CLIC5: variants seen among roughly 807,000 people sequenced by gnomAD.
The protein encoded by CLIC5 is chloride intracellular channel protein 5.
A neutral mutation model predicts 24.7 loss-of-function variants in CLIC5; 20 were observed. That is an observed-to-expected ratio of 0.81 (90% CI 0.57 to 1.18). The LOEUF is 1.18. Ranked by LOEUF, CLIC5 falls within the 50% of genes most tolerant of loss-of-function variation. The pLI is 0.00. For synonymous variants in CLIC5, 159 were observed against 135.6 expected, an observed-to-expected ratio of 1.17 and a Z score of -1.20; for missense variants, 341 against 326.1, an observed-to-expected ratio of 1.05 and a Z score of -0.35.
At chr6:45,990,974 G>A (rs997513330) in intron 1 of CLIC5, among the ~76,000 whole-genome samples, 1 of 152,190 alleles carries the variant, frequency 6.6e-6, no homozygotes, top group Admixed American at 6.6e-5. Flanking sequence ...AGCTGTCCAT[G>A]TGAGGATTAG....
chr6:45,923,278 C>G (rs1478809712), intron 4 of CLIC5, among the ~76,000 whole-genome samples: 1 of 152,200 alleles, frequency 6.6e-6, no homozygotes, highest in East Asian at 1.9e-4. Flanking sequence ...TGCTCACACA[C>G]TTAGAATGAG....
chr6:45,986,043 C>CCATGT, intron 1 of CLIC5, among the ~76,000 whole-genome samples: 1 of 152,264 alleles, frequency 6.6e-6, no homozygotes, highest in African/African-American at 2.4e-5. Flanking sequence ...TTGCCTGCCA[C>CCATGT]AATCTAAGAC....
chr6:46,127,325 C>T, the CLIC5 span, among the ~76,000 whole-genome samples: 1 of 152,070 alleles, frequency 6.6e-6, no homozygotes, highest in Non-Finnish European at 1.5e-5. Context: ...GAATATATTT[C>T]TTCTATCTAA....
Position 46,003,484 on chromosome 6 carries a change from C to T in CLIC5, c.63+11996G>A, listed in dbSNP as rs140818634. 4.0e-3 allele frequency among the ~76,000 whole-genome samples: 607 copies of T among 152,266 alleles called. 1 individual carries two copies. The highest frequency in any genetic ancestry group is 0.014 in the Middle Eastern group (4 of 294). On this transcript the variant is annotated intron_variant, in intron 1 of 5. Coordinates refer to ENST00000339561, the MANE Select transcript of CLIC5 (RefSeq NM_016929.5). Reference sequence around the variant, plus strand: ...GGCTGCAACTGTTTTTATAATTCCACGGGCCATGGAGCAGATCCTAAGTCT... The same window carrying T: ...GGCTGCAACTGTTTTTATAATTCCATGGGCCATGGAGCAGATCCTAAGTCT...
At chr6:46,015,056 T>C (rs914614252) in intron 1 of CLIC5, among the ~76,000 whole-genome samples, 5 of 152,236 alleles carry the variant, frequency 3.3e-5, no homozygotes, top group Non-Finnish European at 7.3e-5. Context: ...TTGCCAAAGA[T>C]CATTGTGTCA....
At chr6:45,961,744 C>T (rs1330190868) in intron 1 of CLIC5, among the ~76,000 whole-genome samples, 1 of 152,064 alleles carries the variant, frequency 6.6e-6, no homozygotes, top group Non-Finnish European at 1.5e-5. Context: ...ACGTGGTCCA[C>T]ATGAGGACAG....
chr6:46,106,961 T>C, the CLIC5 span, among the ~76,000 whole-genome samples: 2 of 152,248 alleles, frequency 1.3e-5, no homozygotes, highest in African/African-American at 4.8e-5. Context: ...AGCTATAAAG[T>C]CTTTTTTTAT....
intron 1 of CLIC5, among the ~76,000 whole-genome samples, chr6:45,963,261 A>G (rs1204595940): frequency 6.6e-6 from 1 of 152,028 alleles, no homozygotes; most frequent in Non-Finnish European, 1.5e-5. Context: ...CTTAAAGCTC[A>G]GCCATCTGCA....
chr6:45,958,439 T>TATATATACACACACACACACAC (rs1350209541), intron 1 of CLIC5, among the ~76,000 whole-genome samples: 32 of 12,380 alleles, frequency 2.6e-3, no homozygotes, highest in Non-Finnish European at 5.0e-3. Context: ...TATATATATA[T>TATATATACACACACACACACAC]ATATATATAT....
At chr6:45,949,157 T>G in intron 3 of CLIC5, 99 bp downstream of exon 3, 1 of 1,458,206 alleles carries the variant, frequency 6.9e-7, no homozygotes, top group Admixed American at 2.1e-5. Context: ...CTGGTGAGGT[T>G]CCTTTGGAAA....
At chr6:45,946,075 C>T (rs1341507803) in intron 3 of CLIC5, among the ~76,000 whole-genome samples, 4 of 152,160 alleles carry the variant, frequency 2.6e-5, no homozygotes, top group Non-Finnish European at 5.9e-5. Context: ...TGTAGTTTCA[C>T]CCCCTCATTT....
At chr6:45,924,093 A>T (rs539325335) in intron 4 of CLIC5, among the ~76,000 whole-genome samples, 1 of 152,374 alleles carries the variant, frequency 6.6e-6, no homozygotes, top group Admixed American at 6.5e-5. Context: ...GAAACAAAGC[A>T]TACAAAAAAA....
chr6:46,065,655 C>A (rs1003870411), intron 1 of CLIC5, among the ~76,000 whole-genome samples: 5 of 152,060 alleles, frequency 3.3e-5, no homozygotes, highest in African/African-American at 9.7e-5. Flanking sequence ...TGAAAGAAAC[C>A]ACACACAAAA....
At chr6:45,913,920 C>T in intron 5 of CLIC5, 1 of 698,888 alleles carries the variant, frequency 1.4e-6, no homozygotes, top group Middle Eastern at 4.6e-4. Flanking sequence ...TGACTGTATA[C>T]AACAACGATA....
At chr6:46,105,111 C>T in the CLIC5 span, among the ~76,000 whole-genome samples, 8 of 152,160 alleles carry the variant, frequency 5.3e-5, no homozygotes, top group South Asian at 4.1e-4. Context: ...TCAGCTGAGA[C>T]GCTGAGACCT....
chr6:46,096,427 A>C, the CLIC5 span, among the ~76,000 whole-genome samples: 85 of 152,310 alleles, frequency 5.6e-4, no homozygotes, highest in Non-Finnish European at 9.3e-4. Context: ...ACCATGGAAC[A>C]CTGGCTCAGG....
At chr6:46,018,360 A>C (rs1413679787), upstream of CLIC5, among the ~76,000 whole-genome samples, 1 of 152,184 alleles carries the variant, frequency 6.6e-6, no homozygotes, top group Non-Finnish European at 1.5e-5. Context: ...CTTTCATTTT[A>C]TCTTCTCCAA....
At chr6:46,071,281 A>G (rs1440619524) in intron 1 of CLIC5, among the ~76,000 whole-genome samples, 2 of 152,166 alleles carry the variant, frequency 1.3e-5, no homozygotes, top group African/African-American at 4.8e-5. Context: ...TCAACAGAGT[A>G]AACAACCTAC....
chr6:45,885,004 C>CA (rs368245450), intron 6 of CLIC5, among the ~76,000 whole-genome samples: 5,232 of 75,682 alleles, frequency 0.069, 140 homozygotes, highest in African/African-American at 0.11. Flanking sequence ...CATCAAGGGC[C>CA]AAAAAAAAAA....
Sources: allele counts gnomAD v4.1 joint callset (sites outside exome capture counted in the v4.1 genomes callset), GRCh38; gene constraint gnomAD v4.1.1; transcripts MANE v1.5; gene names NCBI Gene and HGNC (gene_info 2026-07-23, HGNC 2026-07-21).